The following MYOM2 variants were observed in gnomAD, a reference collection of about 807,000 sequenced individuals.
The protein encoded by MYOM2 is myomesin 2, also known as myomesin-2.
A neutral mutation model predicts 187.6 loss-of-function variants in MYOM2; 254 were observed. That is an observed-to-expected ratio of 1.35 (90% confidence interval 1.22 to 1.50). The LOEUF (loss-of-function observed/expected upper bound fraction) is 1.50. MYOM2 is among the 40% of genes most tolerant of loss of function. The probability of loss-of-function intolerance (pLI) is 0.00; values close to 1 mark genes in which losing one functional copy is unlikely to be tolerated. For synonymous variants in MYOM2, 981 were observed against 753.8 expected (o/e 1.30, Z -4.94); for missense variants, 2,796 against 1,924.0 (o/e 1.45, Z -8.48).
intron 32 of MYOM2, among the ~76,000 whole-genome samples, chr8:2,134,294 A>C (rs1247776517): frequency 6.6e-6 from 1 of 152,030 alleles, no homozygotes; most frequent in Non-Finnish European, 1.5e-5. Flanking sequence ...GCCTTCTGTC[A>C]GTCACTCGGA....
At chr8:2,124,064 A>G in intron 30 of MYOM2, 115 bp from the exon 31 acceptor site, 2 of 1,027,992 alleles carry the variant, frequency 1.9e-6, no homozygotes, top group South Asian at 3.0e-5. Context: ...CATTTTAATG[A>G]TTCATTTTTC....
chr8:2,068,609 A>C (rs1398136032), intron 6 of MYOM2, among the ~76,000 whole-genome samples: 1 of 152,206 alleles, frequency 6.6e-6, no homozygotes, highest in Non-Finnish European at 1.5e-5. Context: ...GGCAGAGAGC[A>C]TCCTGGGCGC....
At chr8:2,081,854 C>G (rs1657252265) in intron 13 of MYOM2, 1 of 152,254 alleles carries the variant, frequency 6.6e-6, no homozygotes, top group Non-Finnish European at 1.5e-5. Context: ...CTGTAGCTCT[C>G]ATTTCCCGTT....
chr8:2,078,698 G>T, intron 11 of MYOM2, 36 bp from the exon 12 acceptor site: 1 of 1,603,252 alleles, frequency 6.2e-7, no homozygotes, highest in Non-Finnish European at 8.5e-7. Context: ...TGCCACATTT[G>T]CTATTCTCTG....
At chr8:2,098,601 C>A (rs1288262046) in intron 18 of MYOM2, among the ~76,000 whole-genome samples, 1 of 152,174 alleles carries the variant, frequency 6.6e-6, no homozygotes, top group Non-Finnish European at 1.5e-5. Flanking sequence ...CCTACCCCCG[C>A]AGGAGTGGGA....
At position 2,069,271 on chromosome 8, in the gene MYOM2, C is replaced by G; in HGVS notation, c.654-7C>G. The G allele has an allele frequency of 2.5e-6, 4 of 1,607,886 alleles. No homozygotes were observed. The highest frequency in any genetic ancestry group is 3.4e-6 in the Non-Finnish European group (4 of 1,176,696). On this transcript the variant is annotated splice_region_variant and splice_polypyrimidine_tract_variant and intron_variant, in intron 6 of 36. Transcript: ENST00000262113. ...CGCAGACTTTCTCTTGTTTTTTTCTCTCCAAGGGCAGACTTTGACGACACT... is the reference window on the plus strand; with the variant it reads ...CGCAGACTTTCTCTTGTTTTTTTCTGTCCAAGGGCAGACTTTGACGACACT...
intron 28 of MYOM2, 114 bp from the exon 29 acceptor site, chr8:2,123,138 T>G (rs573796057): frequency 1.5e-6 from 1 of 660,560 alleles, no homozygotes; most frequent in East Asian, 2.8e-5. Context: ...CTGTCTATAG[T>G]AAAAACTAAG....
At chr8:2,068,457 C>G (rs111306858) in intron 6 of MYOM2, among the ~76,000 whole-genome samples, 83 of 149,800 alleles carry the variant, frequency 5.5e-4, no homozygotes, top group African/African-American at 2.0e-3. Flanking sequence ...CCCGTGTGCA[C>G]CAGGCGGAGA....
Position 2,108,685 on chromosome 8 carries a change from C to G in MYOM2, c.2999-101C>G, listed in dbSNP as rs113250030. The G allele has an allele frequency of 1.3e-5, 14 of 1,108,614 alleles. No homozygotes were observed. In the African/African-American group the frequency reaches 1.4e-4, roughly 11 times the overall value. The allele number at this position is 1,108,614 out of a possible 1,614,324, so 68.7% of individuals were successfully genotyped here. A position where few individuals can be genotyped will look rare whatever the true frequency, so the allele number is the denominator to read the frequency against. ...TTCCTTTCGTGTCCTCCAATTAAAT[C>G]CTGGGGGTTTCCAATCTTGCTCGTG... On this transcript the variant is annotated intron_variant, in intron 23 of 36. Transcript: ENST00000262113.
At chr8:2,107,293 G>T (rs1037117716) in intron 23 of MYOM2, among the ~76,000 whole-genome samples, 1 of 152,136 alleles carries the variant, frequency 6.6e-6, no homozygotes, top group South Asian at 2.1e-4. Context: ...GCGTGAACTC[G>T]TAGGGCTGGA....
chr8:2,087,418 G>C (rs1225299275), intron 14 of MYOM2, among the ~76,000 whole-genome samples: 5 of 152,114 alleles, frequency 3.3e-5, no homozygotes, highest in African/African-American at 9.7e-5. Flanking sequence ...TGCTATCTGG[G>C]GGGTAGAAAC....
chr8:2,094,539 C>G (rs145983089), intron 17 of MYOM2, among the ~76,000 whole-genome samples: 9 of 152,290 alleles, frequency 5.9e-5, no homozygotes, highest in African/African-American at 2.2e-4. Flanking sequence ...GTAGTCCCAG[C>G]TACTCGATAG....
At chr8:2,087,961 G>T (rs1016632617) in intron 14 of MYOM2, among the ~76,000 whole-genome samples, 7 of 152,142 alleles carry the variant, frequency 4.6e-5, no homozygotes, top group African/African-American at 1.7e-4. Flanking sequence ...CATTTTTAGA[G>T]AGAGGACTCC....
intron 17 of MYOM2, 44 bp downstream of exon 17, chr8:2,094,135 C>A (rs1489374296): frequency 6.2e-7 from 1 of 1,603,164 alleles, no homozygotes; most frequent in Admixed American, 1.7e-5. Context: ...CTCCCATACA[C>A]TGTCATTTCT....
At chr8:2,131,424 C>T (rs1423936899) in intron 32 of MYOM2, among the ~76,000 whole-genome samples, 1 of 151,900 alleles carries the variant, frequency 6.6e-6, no homozygotes, top group Non-Finnish European at 1.5e-5. Context: ...CGAGAAGCTC[C>T]AAGCCCAGTG....
chr8:2,048,769 A>G (rs1423223205), intron 1 of MYOM2, among the ~76,000 whole-genome samples: 1 of 144,212 alleles, frequency 6.9e-6, no homozygotes, highest in African/African-American at 2.6e-5. Context: ...TTATTTATTT[A>G]TTTATTTTAT....
At chr8:2,075,276 C>A (rs946435848) in intron 10 of MYOM2, among the ~76,000 whole-genome samples, 3 of 152,132 alleles carry the variant, frequency 2.0e-5, no homozygotes, top group African/African-American at 7.2e-5. Flanking sequence ...CATGTGCCTG[C>A]TGGTATGATG....
intron 3 of MYOM2, among the ~76,000 whole-genome samples, chr8:2,052,695 A>G (rs1236926735): frequency 6.6e-6 from 1 of 152,238 alleles, no homozygotes; most frequent in African/African-American, 2.4e-5. Context: ...ATAAGCACAC[A>G]TGAAAACATC....
chr8:2,077,342 AC>A (rs1262942910), intron 11 of MYOM2, among the ~76,000 whole-genome samples: 5 of 152,280 alleles, frequency 3.3e-5, no homozygotes, highest in South Asian at 2.1e-4. Flanking sequence ...AAACAAAAAA[AC>A]AAAACAAAAA....
Sources: gnomAD v4.1 joint callset for allele counts (sites outside exome capture counted in the v4.1 genomes callset) on GRCh38, gnomAD v4.1.1 for gene constraint, MANE v1.5 for transcripts, NCBI Gene and HGNC (gene_info 2026-07-23, HGNC 2026-07-21) for gene names.